Variants in AGAP1 observed in about 807,000 individuals in gnomAD.
AGAP1 encodes the protein arf-GAP with GTPase, ANK repeat and PH domain-containing protein 1.
Under a neutral mutation model 105.3 loss-of-function variants are expected in AGAP1, and 29 were observed. That is an observed-to-expected ratio of 0.28 (90% CI 0.21 to 0.38). The LOEUF (loss-of-function observed/expected upper bound fraction) is 0.38, where lower values mean the gene tolerates loss of function less well. AGAP1 is among the 10% of genes least tolerant of loss of function. The probability of loss-of-function intolerance (pLI) is 1.00; values close to 1 mark genes in which losing one functional copy is unlikely to be tolerated. For synonymous variants in AGAP1, 509 were observed against 485.9 expected (o/e 1.05, Z -0.63); for missense variants, 998 against 1,165.1 (o/e 0.86, Z 2.09).
intron 9 of AGAP1, among the ~76,000 whole-genome samples, chr2:235,841,045 A>G (rs1379730145): frequency 6.6e-6 from 1 of 152,104 alleles, no homozygotes; most frequent in South Asian, 2.1e-4. Flanking sequence ...GAAAAGGACT[A>G]CAGCATGTCC....
intron 13 of AGAP1, among the ~76,000 whole-genome samples, chr2:235,998,309 CT>C (rs1336213926): frequency 3.3e-5 from 5 of 152,164 alleles, no homozygotes; most frequent in Non-Finnish European, 7.3e-5. Context: ...CAGTTACCAC[CT>C]AGTGGAGAAA....
chr2:235,686,212 A>T (rs1949372277), intron 1 of AGAP1, among the ~76,000 whole-genome samples: 2 of 152,126 alleles, frequency 1.3e-5, no homozygotes, highest in East Asian at 1.9e-4. Context: ...CTGACCATAG[A>T]CTAAGCCTCC....
chr2:235,727,117 C>G (rs771247681), intron 3 of AGAP1, among the ~76,000 whole-genome samples: 1 of 152,192 alleles, frequency 6.6e-6, no homozygotes, highest in Non-Finnish European at 1.5e-5. Flanking sequence ...GAGTCAGGTG[C>G]TTTTCCCTAA....
chr2:235,760,886 A>T (rs78888561), intron 6 of AGAP1, among the ~76,000 whole-genome samples: 1 of 152,174 alleles, frequency 6.6e-6, no homozygotes, highest in Non-Finnish European at 1.5e-5. Context: ...CACCACTCCC[A>T]GCAGCCCAAC....
chr2:235,670,012 C>A, intron 1 of AGAP1: 1 of 324,790 alleles, frequency 3.1e-6, no homozygotes, highest in Non-Finnish European at 5.5e-6. Flanking sequence ...GGGCCACACT[C>A]CCGGCCCGCC....
At chr2:235,548,194 C>G (rs1326661110) in intron 1 of AGAP1, among the ~76,000 whole-genome samples, 1 of 152,230 alleles carries the variant, frequency 6.6e-6, no homozygotes, top group Non-Finnish European at 1.5e-5. Flanking sequence ...TCTCGTCTCC[C>G]TTGGACTGGT....
In AGAP1 at chr2:236,101,084, A is replaced by G. The variant is rs1237812096; in HGVS notation, c.2115-19108A>G. Among the ~76,000 whole-genome samples, 3 of 152,094 alleles carry G rather than the reference A, an allele frequency of 2.0e-5. No individual in the cohort carries two copies. The highest frequency in any genetic ancestry group is 4.8e-5 in the African/African-American group (2 of 41,416). On this transcript the variant is annotated intron_variant, in intron 16 of 17. Transcript: ENST00000304032. This position sits in a 1 kb window ranked among gnomAD's most constrained non-coding sequence, Gnocchi z 4.9. ...CATCAGTTTCTTTCAGCATGTTTCC[A>G]TGTTTTCATATTTTGAAAAAAGTCA...
chr2:235,968,855 G>A (rs1261450514), intron 13 of AGAP1, among the ~76,000 whole-genome samples: 3 of 152,194 alleles, frequency 2.0e-5, no homozygotes, highest in South Asian at 2.1e-4. Context: ...GGCCGCCGTC[G>A]CTGGTAGCGG....
chr2:235,656,489 C>T (rs1469420624), intron 1 of AGAP1, among the ~76,000 whole-genome samples: 1 of 152,190 alleles, frequency 6.6e-6, no homozygotes, highest in Admixed American at 6.5e-5. Context: ...ACCTGCTCCA[C>T]CCTGACTCAT....
rs369524276 is a variant in AGAP1, at chr2:236,129,471, C to T, written c.*5349C>T. 76 of 152,380 alleles carry T rather than the reference C, an allele frequency of 5.0e-4. 1 individual carries two copies. The highest frequency in any genetic ancestry group is 1.7e-3 in the African/African-American group (69 of 41,590). The allele number at this position is 152,380 out of a possible 1,614,324, so 9.4% of individuals were successfully genotyped here. A position where few individuals can be genotyped will look rare whatever the true frequency, so the allele number is the denominator to read the frequency against. ...ACTAAGAAACAGTCCTCAGACTGGT[C>T]CTTCCGACACAGGCAGAGAGTGAAC... On this transcript the variant is annotated 3_prime_UTR_variant, in exon 18 of 18. Transcript: ENST00000304032. This position sits in a 1 kb window ranked among gnomAD's most constrained non-coding sequence, Gnocchi z 6.2.
At position 235,587,692 on chromosome 2, in the gene AGAP1, T is replaced by C. The variant is rs145179104; in HGVS notation, c.163+92843T>C. Among the ~76,000 whole-genome samples, 463 of 151,104 alleles carry C rather than the reference T, an allele frequency of 3.1e-3. 4 individuals carry two copies. The highest frequency in any genetic ancestry group is 9.7e-3 in the African/African-American group (398 of 41,124). Reference sequence around the variant, plus strand: ...ATTGCTTGAACACTGGAGGTGGAGGTTGCAGTGAGCTGAGATAGCCCCATT... The same window carrying C: ...ATTGCTTGAACACTGGAGGTGGAGGCTGCAGTGAGCTGAGATAGCCCCATT... On this transcript the variant is annotated intron_variant, in intron 1 of 17. Coordinates refer to ENST00000304032, the MANE Select transcript of AGAP1 (RefSeq NM_001037131.3).
chr2:235,665,668 C>T lies in AGAP1; in HGVS notation c.164-43511C>T, dbSNP rs1320638489. 2.6e-5 allele frequency among the ~76,000 whole-genome samples: 4 copies of T among 152,100 alleles called. No homozygotes were observed. Among genetic ancestry groups the T allele is most frequent in the Non-Finnish European group, 5.9e-5 (4 of 68,036 alleles). On this transcript the variant is annotated intron_variant, in intron 1 of 17. Transcript: ENST00000304032. This position sits in a 1 kb window ranked among gnomAD's most constrained non-coding sequence, Gnocchi z 5.3. ...CTTCTTCTTACATGTATCTGTCAGT[C>T]AACTGGCTACCAGAAAATAGCCTTT...
At chr2:235,579,867 C>T (rs1233617865) in intron 1 of AGAP1, among the ~76,000 whole-genome samples, 4 of 152,226 alleles carry the variant, frequency 2.6e-5, no homozygotes, top group African/African-American at 4.8e-5. Flanking sequence ...TCATCACCCC[C>T]GCCCAGGGGA....
At position 235,739,489 on chromosome 2, in the gene AGAP1, G is replaced by A. The variant is rs767783010; in HGVS notation, c.311-1474G>A. Among the ~76,000 whole-genome samples the A allele has an allele frequency of 2.6e-5, 4 of 152,240 alleles. No individual in the cohort carries two copies. Among genetic ancestry groups the A allele is most frequent in the Admixed American group, 6.5e-5 (1 of 15,278 alleles). ...ACGGGCCTCAGCCTGACCATTTCCA[G>A]TGGGCCCTACCGTCTTGTTTCAGTG... On this transcript the variant is annotated intron_variant, in intron 3 of 17. Transcript: ENST00000304032. The surrounding 1 kb of genome is among the most constrained non-coding windows in gnomAD (Gnocchi z 5.3).
rs2052660965 is a variant in AGAP1, at chr2:235,930,362, C to A, written c.1325-403C>A. Reference sequence around the variant, plus strand: ...TCTCAATGGGTGATCATTTTCTGTTCCATTGGTAGGGTGACATGGCCGGGC... The same window carrying A: ...TCTCAATGGGTGATCATTTTCTGTTACATTGGTAGGGTGACATGGCCGGGC... On this transcript the variant is annotated intron_variant, in intron 11 of 17. Coordinates refer to ENST00000304032, the MANE Select transcript of AGAP1 (RefSeq NM_001037131.3). The surrounding 1 kb of genome is among the most constrained non-coding windows in gnomAD (Gnocchi z 7.9). Among the ~76,000 whole-genome samples, 1 of 152,150 alleles carries A rather than the reference C, an allele frequency of 6.6e-6. No homozygotes were observed. Among genetic ancestry groups the A allele is most frequent in the South Asian group, 2.1e-4 (1 of 4,832 alleles).
chr2:235,757,517 T>A (rs1954030382), intron 6 of AGAP1, among the ~76,000 whole-genome samples: 2 of 152,226 alleles, frequency 1.3e-5, no homozygotes, highest in Non-Finnish European at 2.9e-5. Context: ...TCTAGGCAGA[T>A]CCATGTCAGT....
chr2:235,626,271 T>C (rs896910121), intron 1 of AGAP1, among the ~76,000 whole-genome samples: 3 of 151,770 alleles, frequency 2.0e-5, no homozygotes, highest in Admixed American at 6.6e-5. Flanking sequence ...GGCAGGAGAA[T>C]AGTTTGAACC....
chr2:236,107,671 T>C (rs1213430245), intron 16 of AGAP1, among the ~76,000 whole-genome samples: 3 of 152,086 alleles, frequency 2.0e-5, no homozygotes, highest in African/African-American at 7.2e-5. Flanking sequence ...TCCCCTTGCC[T>C]CAATCCCTTC....
At position 235,720,770 on chromosome 2, in the gene AGAP1, G is replaced by A. The variant is rs2149562171; in HGVS notation, c.310+3126G>A. On this transcript the variant is annotated intron_variant, in intron 3 of 17. Coordinates refer to ENST00000304032, the MANE Select transcript of AGAP1 (RefSeq NM_001037131.3). This position sits in a 1 kb window ranked among gnomAD's most constrained non-coding sequence, Gnocchi z 5.0. ...CGTGGCTGGGATATGTAGACTGCTG[G>A]GAGGGGTGAGGGTGAGGGCCTTCCT... 1.1e-6 allele frequency: 1 copy of A among 944,806 alleles called. No homozygotes were observed. Among genetic ancestry groups the A allele is most frequent in the East Asian group, 1.2e-4 (1 of 8,584 alleles). The allele number at this position is 944,806 out of a possible 1,614,324, so 58.5% of individuals were successfully genotyped here.
Sources: gnomAD v4.1 joint callset for allele counts (sites outside exome capture counted in the v4.1 genomes callset) on GRCh38, gnomAD v4.1.1 for gene constraint, Gnocchi (gnomAD v3.1) non-coding constraint, MANE v1.5 for transcripts, NCBI Gene and HGNC (gene_info 2026-07-23, HGNC 2026-07-21) for gene names.